Variants in SLC4A1 observed in about 807,000 individuals in gnomAD.
SLC4A1 encodes the protein band 3 anion transport protein.
A neutral mutation model predicts 93.1 loss-of-function variants in SLC4A1; 29 were observed. The ratio of observed to expected loss-of-function variants is 0.31; its 90% CI spans 0.23 to 0.42. SLC4A1 has a LOEUF of 0.42. Among genes scored for constraint, SLC4A1 ranks in the 20% least tolerant of loss-of-function variants. The probability of loss-of-function intolerance (pLI) is 1.00; values close to 1 mark genes in which losing one functional copy is unlikely to be tolerated. For synonymous variants in SLC4A1, 469 were observed against 497.2 expected (o/e 0.94, Z 0.76); for missense variants, 965 against 1,190.1 (o/e 0.81, Z 2.78).
chr17:44,258,370 G>T lies in SLC4A1; in HGVS notation c.1087+43C>A. 6.3e-7 allele frequency: 1 copy of T among 1,582,382 alleles called. No individual in the cohort carries two copies. The highest frequency in any genetic ancestry group is 8.7e-7 in the Non-Finnish European group (1 of 1,151,426). The stretch of plus-strand genomic sequence containing the variant: ...AGAGGCTACGCTGAGGTGTCTGGGG[G>T]TCGGTGGGGGCTCAGAAAGCCTCAG... On this transcript the variant is annotated intron_variant, in intron 10 of 19. Coordinates refer to ENST00000262418, the MANE Select transcript of SLC4A1 (RefSeq NM_000342.4). This position sits in a 1 kb window ranked among gnomAD's most constrained non-coding sequence, Gnocchi z 6.1.
In SLC4A1 at chr17:44,250,613, C is replaced by G; in HGVS notation, c.2656-75G>C. 7 of 1,162,674 alleles carry G rather than the reference C, an allele frequency of 6.0e-6. No homozygotes were observed. The Admixed American group carries it at 1.2e-4, about 20-fold the overall frequency. The allele number at this position is 1,162,674 out of a possible 1,614,324, so 72.0% of individuals were successfully genotyped here. On this transcript the variant is annotated intron_variant, in intron 19 of 19. Transcript: ENST00000262418. ...AAGAGCCCTCCCCGGGCACGAAAGG[C>G]ACCTCTGGAGTTAGGAGAGGGTCTG...
intron 16 of SLC4A1, among the ~76,000 whole-genome samples, chr17:44,254,142 T>G: frequency 6.6e-6 from 1 of 152,048 alleles, no homozygotes; most frequent in Non-Finnish European, 1.5e-5. Context: ...GCCCGCCTAA[T>G]TTTTTGTATT....
chr17:44,262,535 T>C, intron 3 of SLC4A1, 101 bp downstream of exon 3: 1 of 847,006 alleles, frequency 1.2e-6, no homozygotes, highest in South Asian at 1.5e-5. Flanking sequence ...CCCGTGGTGC[T>C]TGGGAGGAGG....
In SLC4A1 at chr17:44,258,327, G is replaced by A; in HGVS notation, c.1087+86C>T. 6.9e-7 allele frequency: 1 copy of A among 1,443,480 alleles called. No individual in the cohort carries two copies. The highest frequency in any genetic ancestry group is 2.3e-5 in the East Asian group (1 of 44,024). The allele number at this position is 1,443,480 out of a possible 1,614,324, so 89.4% of individuals were successfully genotyped here. On this transcript the variant is annotated intron_variant, in intron 10 of 19. Transcript: ENST00000262418. The surrounding 1 kb of genome is among the most constrained non-coding windows in gnomAD (Gnocchi z 6.1). Reference sequence around the variant, plus strand: ...GTGGGCAAAGGGAGCGATGAGAGGGGAACATGTGATGGGAGACAGAGGCTA... The same window carrying A: ...GTGGGCAAAGGGAGCGATGAGAGGGAAACATGTGATGGGAGACAGAGGCTA...
chr17:44,261,062 G>A (rs1354932061), intron 4 of SLC4A1, among the ~76,000 whole-genome samples: 10 of 152,234 alleles, frequency 6.6e-5, no homozygotes, highest in African/African-American at 2.4e-4. Context: ...GGAAAGGAGT[G>A]GGAAGCAGAG....
chr17:44,251,686 C>A, intron 17 of SLC4A1, 98 bp from the exon 18 acceptor site: 2 of 859,972 alleles, frequency 2.3e-6, no homozygotes, highest in East Asian at 2.6e-5. Context: ...AACACAGGCA[C>A]CATATGGAGC....
chr17:44,258,213 A>C lies in SLC4A1; in HGVS notation c.1088-33T>G, dbSNP rs2047408079. On this transcript the variant is annotated intron_variant, in intron 10 of 19. Coordinates refer to ENST00000262418, the MANE Select transcript of SLC4A1 (RefSeq NM_000342.4). The surrounding 1 kb of genome is among the most constrained non-coding windows in gnomAD (Gnocchi z 6.1). ...GGAGGATAAGAGCATGGTCAGAGGG[A>C]GTAGCTGGAGGAGGTGAGGGGAAAG... The C allele has an allele frequency of 6.2e-7, 1 of 1,602,584 alleles. No homozygotes were observed. The highest frequency in any genetic ancestry group is 8.5e-7 in the Non-Finnish European group (1 of 1,170,332).
chr17:44,265,398 C>G (rs1338311724), intron 1 of SLC4A1, among the ~76,000 whole-genome samples: 3 of 152,060 alleles, frequency 2.0e-5, no homozygotes, highest in Non-Finnish European at 2.9e-5. Flanking sequence ...GAGACACAGT[C>G]TTGCTCTCTC....
chr17:44,257,263 A>T, intron 13 of SLC4A1, 87 bp downstream of exon 13: 1 of 1,353,566 alleles, frequency 7.4e-7, no homozygotes, highest in Non-Finnish European at 1.1e-6. Context: ...AAGTTCTGAG[A>T]TTACAGGCCT....
Position 44,258,616 on chromosome 17 carries a change from C to T in SLC4A1, c.884G>A (p.Arg295His), listed in dbSNP as rs140424071. The stretch of plus-strand genomic sequence containing the variant: ...GCTCTGAGCCATGTAGGCATCTATG[C>T]GGAACACCTAGGGGCAGGAGACAGG... Reference protein sequence around the residue: ...AATLMSERVFRIDAYMAQSRG... With the variant: ...AATLMSERVFHIDAYMAQSRG... Residue 295 changes from arginine to histidine, a missense_variant, in exon 10 of 20, where the codon CGC (arginine) becomes CAC (histidine). Physicochemically the swap from Arg to His is conservative, Grantham distance 29. Coordinates refer to ENST00000262418, the MANE Select transcript of SLC4A1 (RefSeq NM_000342.4). This position sits in a 1 kb window ranked among gnomAD's most constrained non-coding sequence, Gnocchi z 6.1. 1,422 of 1,596,208 alleles carry T rather than the reference C, an allele frequency of 8.9e-4. 1 individual carries two copies. The highest frequency in any genetic ancestry group is 1.0e-3 in the Non-Finnish European group (1,224 of 1,172,282).
intron 16 of SLC4A1, 31 bp from the exon 17 acceptor site, chr17:44,253,402 G>C (rs1463698437): frequency 1.3e-6 from 2 of 1,597,312 alleles, no homozygotes; most frequent in Non-Finnish European, 1.7e-6. Context: ...GGGTAAGCAG[G>C]GTTCTCCCCT....
At chr17:44,253,613 G>T (rs1412057494) in intron 16 of SLC4A1, among the ~76,000 whole-genome samples, 1 of 149,588 alleles carries the variant, frequency 6.7e-6, no homozygotes, top group East Asian at 2.0e-4. Flanking sequence ...AGGGAGCTTT[G>T]CTTGTACAGG....
intron 13 of SLC4A1, among the ~76,000 whole-genome samples, chr17:44,256,173 A>G (rs987908129): frequency 1.3e-5 from 2 of 152,144 alleles, no homozygotes; most frequent in Admixed American, 1.3e-4. Context: ...CCATCCATCC[A>G]TCCGTCCATC....
chr17:44,257,079 C>T (rs1046522001), intron 13 of SLC4A1, among the ~76,000 whole-genome samples: 1 of 151,858 alleles, frequency 6.6e-6, no homozygotes, highest in Non-Finnish European at 1.5e-5. Context: ...GCAACCTCCA[C>T]CTCCCGGGTT....
rs1425061857 is a variant in SLC4A1, at chr17:44,257,483, A to G, written c.1493T>C (p.Ile498Thr). 6.2e-7 allele frequency: 1 copy of G among 1,614,098 alleles called. No homozygotes were observed. The highest frequency in any genetic ancestry group is 8.5e-7 in the Non-Finnish European group (1 of 1,180,016). The change falls in exon 13 of 20, where the codon ATC (isoleucine) becomes ACC (threonine). Residue 498 changes from isoleucine (I) to threonine (T), a missense_variant. This residue lies in a region of SLC4A1 where 770 missense variants were observed against 1,006.6 expected (regional missense o/e 0.76). Transcript: ENST00000262418. The stretch of plus-strand genomic sequence containing the variant: ...GGCCACCACCAACACCACCAGCAGG[A>G]TGAGCCAGAAGCCGATCCACACGCG... ...VGRVWIGFWL[I>T]LLVVLVVAFE...
intron 1 of SLC4A1, among the ~76,000 whole-genome samples, chr17:44,265,438 T>C (rs915593938): frequency 5.9e-5 from 9 of 152,186 alleles, no homozygotes; most frequent in African/African-American, 1.4e-4. Flanking sequence ...GGCGCGATCT[T>C]GGCTCACTGC....
At chr17:44,255,134 G>A in intron 15 of SLC4A1, 73 bp downstream of exon 15, 1 of 1,040,850 alleles carries the variant, frequency 9.6e-7, no homozygotes, top group Non-Finnish European at 1.5e-6. Context: ...CTATTCTAGG[G>A]AAGGGGCATG....
chr17:44,267,423 C>G (rs957396665), intron 1 of SLC4A1, among the ~76,000 whole-genome samples: 4 of 152,160 alleles, frequency 2.6e-5, no homozygotes. Flanking sequence ...ATATAAGGAG[C>G]GCTATGAAAA....
At chr17:44,261,938 A>C in intron 3 of SLC4A1, 1 of 1,150,502 alleles carries the variant, frequency 8.7e-7, no homozygotes, top group Non-Finnish European at 1.1e-6. Flanking sequence ...AGGTGACGGC[A>C]GAGCCCTGAG....
Sources: gnomAD v4.1 joint callset for allele counts (sites outside exome capture counted in the v4.1 genomes callset) on GRCh38, gnomAD v4.1.1 for gene constraint, gnomAD v4.1.1 regional missense constraint, Gnocchi (gnomAD v3.1) non-coding constraint, MANE v1.5 for transcripts, NCBI Gene and HGNC (gene_info 2026-07-23, HGNC 2026-07-21) for gene names.